Variants in ESR1 observed in about 807,000 individuals in gnomAD.
ESR1 encodes estrogen receptor 1.
ESR1 carries 12 observed loss-of-function variants against 52.7 expected under a neutral mutation model. The ratio of observed to expected loss-of-function variants is 0.23; its 90% confidence interval spans 0.15 to 0.37. ESR1 has a LOEUF of 0.37. Among genes scored for constraint, ESR1 ranks in the 10% least tolerant of loss-of-function variants. ESR1 has a pLI of 1.00. For synonymous variants in ESR1, 305 were observed against 316.8 expected (o/e 0.96, Z 0.39); for missense variants, 584 against 779.7 (o/e 0.75, Z 2.99).
At chr6:151,895,382 C>CT (rs1237590634) in intron 3 of ESR1, among the ~76,000 whole-genome samples, 1 of 152,026 alleles carries the variant, frequency 6.6e-6, no homozygotes, top group Non-Finnish European at 1.5e-5. Context: ...TTTGGATGTC[C>CT]TTTATTTCTT....
chr6:152,095,353 G>T (rs759258984), intron 7 of ESR1, among the ~76,000 whole-genome samples: 3 of 152,164 alleles, frequency 2.0e-5, no homozygotes, highest in Non-Finnish European at 4.4e-5. Context: ...TGAGTCATCG[G>T]GGGGAGGTTC....
At chr6:152,066,811 C>T (rs2047999232) in intron 6 of ESR1, among the ~76,000 whole-genome samples, 2 of 152,152 alleles carry the variant, frequency 1.3e-5, no homozygotes, top group African/African-American at 2.4e-5. Context: ...GCAACTCTGC[C>T]ACTTCCTTGG....
At chr6:151,759,817 A>G (rs1212165967) in intron 2 of ESR1, among the ~76,000 whole-genome samples, 2 of 152,212 alleles carry the variant, frequency 1.3e-5, no homozygotes, top group Non-Finnish European at 2.9e-5. Flanking sequence ...CCTTCTTAGG[A>G]AAGTACAGCT....
In ESR1 at chr6:151,883,041, C is replaced by T. The variant is rs112026774; in HGVS notation, c.760+2270C>T. ...ACCACAGGCTGGGTGGCTTAAACAA[C>T]GGAAATTAATTTTCTCCCAATTCTG... On this transcript the variant is annotated intron_variant, in intron 3 of 7. Transcript: ENST00000206249. 2.9e-3 allele frequency among the ~76,000 whole-genome samples: 437 copies of T among 151,992 alleles called. 3 individuals carry two copies. Among genetic ancestry groups the T allele is most frequent in the Middle Eastern group, 0.017 (5 of 290 alleles).
At chr6:151,689,309 T>C (rs1000419748), upstream of ESR1, among the ~76,000 whole-genome samples, 1 of 152,204 alleles carries the variant, frequency 6.6e-6, no homozygotes, top group African/African-American at 2.4e-5. Flanking sequence ...GAAATCATAA[T>C]AAACACAATA....
chr6:151,955,268 A>T (rs998392609), intron 4 of ESR1, among the ~76,000 whole-genome samples: 2 of 152,204 alleles, frequency 1.3e-5, no homozygotes, highest in Non-Finnish European at 2.9e-5. Context: ...CATACCATAG[A>T]AGCAATATTT....
intron 2 of ESR1, among the ~76,000 whole-genome samples, chr6:151,878,142 A>G (rs1792175182): frequency 1.3e-5 from 2 of 152,200 alleles, no homozygotes; most frequent in African/African-American, 4.8e-5. Flanking sequence ...TAAAAGCTGA[A>G]ATATATCAGC....
chr6:151,824,794 G>C (rs554903142), intron 1 of ESR1, among the ~76,000 whole-genome samples: 96 of 152,126 alleles, frequency 6.3e-4, no homozygotes, highest in Admixed American at 2.6e-3. Context: ...GGTGGCACAC[G>C]CCTGCAGTCC....
intron 3 of ESR1, among the ~76,000 whole-genome samples, chr6:151,912,431 T>C (rs1798409212): frequency 6.6e-6 from 1 of 152,196 alleles, no homozygotes; most frequent in Non-Finnish European, 1.5e-5. Context: ...AGGGACCATT[T>C]AAAAACAATT....
intron 4 of ESR1, among the ~76,000 whole-genome samples, chr6:151,989,364 A>G (rs1252092900): frequency 1.3e-5 from 2 of 152,136 alleles, no homozygotes; most frequent in African/African-American, 2.4e-5. Context: ...TTCGTGTCTC[A>G]TTACTACAGT....
At chr6:151,784,657 A>G (rs1269307172) in intron 2 of ESR1, among the ~76,000 whole-genome samples, 3 of 152,200 alleles carry the variant, frequency 2.0e-5, no homozygotes, top group African/African-American at 7.2e-5. Context: ...CTGCATTGCA[A>G]CCAGTGTTAC....
chr6:151,807,597 C>T (rs1778080605), upstream of ESR1: 1 of 502,584 alleles, frequency 2.0e-6, no homozygotes, highest in Non-Finnish European at 3.6e-6. Context: ...GGCAAGGCAA[C>T]AGTCCCTGGC....
At chr6:151,716,902 A>G (rs1297903364) in intron 2 of ESR1, among the ~76,000 whole-genome samples, 3 of 152,158 alleles carry the variant, frequency 2.0e-5, no homozygotes, top group Non-Finnish European at 2.9e-5. Flanking sequence ...TCCTGTAGCT[A>G]GTTCGGTGTC....
chr6:151,974,310 C>T (rs2039220426), intron 4 of ESR1, among the ~76,000 whole-genome samples: 1 of 152,032 alleles, frequency 6.6e-6, no homozygotes, highest in Non-Finnish European at 1.5e-5. Context: ...AAGCACTTTA[C>T]ATGTTTTCTA....
At chr6:152,020,330 T>C (rs912675959) in intron 5 of ESR1, among the ~76,000 whole-genome samples, 1 of 152,204 alleles carries the variant, frequency 6.6e-6, no homozygotes, top group Non-Finnish European at 1.5e-5. Context: ...GCAGAGTATG[T>C]TGGCAGGGGT....
chr6:152,025,494 C>A (rs2044070283), intron 5 of ESR1, among the ~76,000 whole-genome samples: 1 of 151,704 alleles, frequency 6.6e-6, no homozygotes. Context: ...TAAAGTTATC[C>A]ATTTCTTCTT....
chr6:151,800,075 T>C (rs1777085883), upstream of ESR1, among the ~76,000 whole-genome samples: 1 of 152,174 alleles, frequency 6.6e-6, no homozygotes, highest in South Asian at 2.1e-4. Context: ...AATGAACATG[T>C]AAGTAAAAAT....
rs1390630585 is a variant in ESR1 at position 151,831,199 on chromosome 6, G to C, written c.453-11398G>C. On this transcript the variant is annotated intron_variant, in intron 1 of 7. Transcript: ENST00000206249. ...TCTCTGTCACCCATGCTGGAGTGCA[G>C]TGGCACAGTCACAGCTCACTGCAGC... is the stretch of plus-strand genomic sequence containing the variant. 2.0e-5 allele frequency among the ~76,000 whole-genome samples: 3 copies of C among 150,016 alleles called. 1 individual carries two copies. The highest frequency in any genetic ancestry group is 4.4e-5 in the Non-Finnish European group (3 of 67,804).
At chr6:152,085,310 A>G (rs962549724) in intron 6 of ESR1, among the ~76,000 whole-genome samples, 1 of 149,322 alleles carries the variant, frequency 6.7e-6, no homozygotes, top group South Asian at 2.1e-4. Flanking sequence ...CTCTCTTTCT[A>G]AAAAAACAAA....
Sources: allele counts gnomAD v4.1 joint callset (sites outside exome capture counted in the v4.1 genomes callset), GRCh38; gene constraint gnomAD v4.1.1; transcripts MANE v1.5; gene names NCBI Gene and HGNC (gene_info 2026-07-23, HGNC 2026-07-21).